Variants in LRPAP1 observed in about 807,000 individuals in gnomAD.
The protein encoded by LRPAP1 is alpha-2-macroglobulin receptor-associated protein.
Under a neutral mutation model 39.9 loss-of-function variants are expected in LRPAP1, and 41 were observed. The observed-to-expected ratio is 1.03, with a 90% CI of 0.80 to 1.33. LRPAP1 has a LOEUF of 1.33. LRPAP1 is among the 40% of genes most tolerant of loss of function. The probability of loss-of-function intolerance (pLI) is 0.00; values close to 1 mark genes in which losing one functional copy is unlikely to be tolerated. For synonymous variants in LRPAP1, 263 were observed against 212.7 expected (o/e 1.24, Z -2.06); for missense variants, 565 against 482.3 (o/e 1.17, Z -1.61).
chr4:3,516,309 G>A lies in LRPAP1; in HGVS notation c.752-111C>T, dbSNP rs571273308. ...GGAGCCTATGAGGGTTTGCAGGCGCGACCTGCATGTGTGTGAAACACGGGT... is the reference window on the plus strand; with the variant it reads ...GGAGCCTATGAGGGTTTGCAGGCGCAACCTGCATGTGTGTGAAACACGGGT... On this transcript the variant is annotated intron_variant, in intron 5 of 7. Coordinates refer to ENST00000650182, the MANE Select transcript of LRPAP1 (RefSeq NM_002337.4). The A allele has an allele frequency of 1.4e-4, 104 of 762,706 alleles. No homozygotes were observed. In the South Asian group the frequency reaches 1.5e-3, roughly 11 times the overall value. The allele number at this position is 762,706 out of a possible 1,614,324, so 47.2% of individuals were successfully genotyped here.
intron 6 of LRPAP1, 59 bp from the exon 7 acceptor site, chr4:3,514,987 G>A: frequency 6.3e-7 from 1 of 1,579,716 alleles, no homozygotes; most frequent in Non-Finnish European, 8.6e-7. Flanking sequence ...GCCATCTTGT[G>A]GTCCCGGGTG....
At chr4:3,515,631 C>T (rs1729668252) in intron 6 of LRPAP1, among the ~76,000 whole-genome samples, 1 of 152,162 alleles carries the variant, frequency 6.6e-6, no homozygotes, top group African/African-American at 2.4e-5. Context: ...CCACTCCTCA[C>T]AGCCCTGCTG....
chr4:3,526,675 T>A (rs1013327343), intron 1 of LRPAP1, among the ~76,000 whole-genome samples: 1 of 152,190 alleles, frequency 6.6e-6, no homozygotes, highest in Non-Finnish European at 1.5e-5. Context: ...ACGAAGCCAA[T>A]TCTGTGTGTT....
intron 1 of LRPAP1, 82 bp from the exon 2 acceptor site, chr4:3,525,133 G>T: frequency 6.5e-7 from 1 of 1,537,990 alleles, no homozygotes; most frequent in South Asian, 1.1e-5. Context: ...GAGGAGGCTG[G>T]CCACCGGGAG....
At chr4:3,522,676 CCCCTGCCTGGGG>C (rs1560258701) in intron 2 of LRPAP1, among the ~76,000 whole-genome samples, 2 of 33,832 alleles carry the variant, frequency 5.9e-5, no homozygotes, top group African/African-American at 7.4e-5. Flanking sequence ...CGCCCCACAC[CCCCTGCCTGGGG>C]AGGACAGACG....
At position 3,508,688 on chromosome 4, in the gene LRPAP1, G is replaced by C. The variant is rs79595315; in HGVS notation, c.*4286C>G. The C allele has an allele frequency of 0.021, 3,229 of 152,300 alleles. 63 individuals are homozygous for C. Among genetic ancestry groups the C allele is most frequent in the Non-Finnish European group, 0.034 (2,291 of 68,026 alleles). 9.4% of individuals were successfully genotyped at this position (152,300 alleles called of 1,614,324 possible). A position where few individuals can be genotyped will look rare whatever the true frequency, so the allele number is the denominator to read the frequency against. ...GTAATTCACTACAGTAATGCGGTAA[G>C]GAAGTGACCTCATGAGCATCTCACT... On this transcript the variant is annotated 3_prime_UTR_variant, in exon 8 of 8. Transcript: ENST00000650182.
At chr4:3,526,188 G>T (rs1440348295) in intron 1 of LRPAP1, among the ~76,000 whole-genome samples, 1 of 152,208 alleles carries the variant, frequency 6.6e-6, no homozygotes, top group African/African-American at 2.4e-5. Context: ...GCACTGTGCA[G>T]TGCAGATCCC....
chr4:3,517,300 C>T (rs1252622908), intron 5 of LRPAP1, among the ~76,000 whole-genome samples: 3 of 152,252 alleles, frequency 2.0e-5, no homozygotes, highest in African/African-American at 4.8e-5. Flanking sequence ...GGAGACGAGG[C>T]GGTGGCTCTG....
chr4:3,517,102 G>T (rs764278935), intron 5 of LRPAP1, among the ~76,000 whole-genome samples: 9 of 122,012 alleles, frequency 7.4e-5, no homozygotes, highest in African/African-American at 1.2e-4. Context: ...CAGCACTACG[G>T]CCAAAAGCCT....
At chr4:3,527,188 C>A (rs1432329642) in intron 1 of LRPAP1, among the ~76,000 whole-genome samples, 1 of 152,128 alleles carries the variant, frequency 6.6e-6, no homozygotes, top group Non-Finnish European at 1.5e-5. Context: ...CTTCGACACA[C>A]CCCTACCTGT....
intron 1 of LRPAP1, among the ~76,000 whole-genome samples, chr4:3,531,566 CG>C (rs1456857858): frequency 1.3e-5 from 2 of 152,162 alleles, no homozygotes; most frequent in Non-Finnish European, 2.9e-5. Context: ...GCTGTTGTCC[CG>C]GGGGGCCCCA....
At chr4:3,520,025 A>G (rs1327146150) in intron 3 of LRPAP1, 47 bp downstream of exon 3, 2 of 1,587,330 alleles carry the variant, frequency 1.3e-6, no homozygotes, top group Non-Finnish European at 1.7e-6. Context: ...TTAACACTCA[A>G]CGTAACGGCA....
chr4:3,507,991 C>G lies in LRPAP1; in HGVS notation c.*4983G>C, dbSNP rs1729401323. ...TTTAAAAAAATGACAAAGGAAGAAA[C>G]AGAAAATCCAAAAGCCTCATGTCTT... On this transcript the variant is annotated 3_prime_UTR_variant, in exon 8 of 8. Transcript: ENST00000650182. The G allele has an allele frequency of 1.3e-5, 2 of 152,138 alleles. No homozygotes were observed. The allele number at this position is 152,138 out of a possible 1,614,324, so 9.4% of individuals were successfully genotyped here.
chr4:3,518,277 G>T, intron 4 of LRPAP1, 85 bp from the exon 5 acceptor site: 1 of 1,428,926 alleles, frequency 7.0e-7, no homozygotes, highest in Non-Finnish European at 9.4e-7. Flanking sequence ...CCACTGCTGG[G>T]GAGCTCAAAC....
intron 1 of LRPAP1, among the ~76,000 whole-genome samples, chr4:3,529,512 T>A (rs1730183042): frequency 6.6e-6 from 1 of 151,666 alleles, no homozygotes; most frequent in Admixed American, 6.6e-5. Flanking sequence ...AGAGGCAGAG[T>A]CCTCAGAAGT....
At position 3,506,632 on chromosome 4, in the gene LRPAP1, A is replaced by G. The variant is rs548080984; in HGVS notation, c.*6342T>C. 1 of 152,160 alleles carries G rather than the reference A, an allele frequency of 6.6e-6. No individual in the cohort carries two copies. The highest frequency in any genetic ancestry group is 6.5e-5 in the Admixed American group (1 of 15,274). The allele number at this position is 152,160 out of a possible 1,614,324, so 9.4% of individuals were successfully genotyped here. A position where few individuals can be genotyped will look rare whatever the true frequency, so the allele number is the denominator to read the frequency against. On this transcript the variant is annotated 3_prime_UTR_variant, in exon 8 of 8. Transcript: ENST00000650182. ...CGTGATCCGCCCACCTCCACCTCCC[A>G]AAGTGCTGGGATTCCAGGCATGAGC...
At chr4:3,525,258 C>G (rs1050281081) in intron 1 of LRPAP1, 1 of 576,268 alleles carries the variant, frequency 1.7e-6, no homozygotes, top group African/African-American at 1.9e-5. Context: ...TCTGTATACA[C>G]GATCCGGAAA....
At chr4:3,525,796 T>C (rs1730063001) in intron 1 of LRPAP1, among the ~76,000 whole-genome samples, 1 of 152,228 alleles carries the variant, frequency 6.6e-6, no homozygotes, top group Non-Finnish European at 1.5e-5. Context: ...AGGTGACCGC[T>C]GGGCACACTG....
intron 4 of LRPAP1, among the ~76,000 whole-genome samples, 199 bp downstream of exon 4, chr4:3,518,667 CCCAGA>C (rs1234141785): frequency 6.6e-6 from 1 of 151,956 alleles, no homozygotes; most frequent in Non-Finnish European, 1.5e-5. Flanking sequence ...GCAGGCGACT[CCCAGA>C]GCCTGCCTGC....
Sources: allele counts gnomAD v4.1 joint callset (sites outside exome capture counted in the v4.1 genomes callset), GRCh38; gene constraint gnomAD v4.1.1; transcripts MANE v1.5; gene names NCBI Gene and HGNC (gene_info 2026-07-23, HGNC 2026-07-21).